COL24A1: variants seen among roughly 807,000 people sequenced by gnomAD.
COL24A1 encodes the protein collagen type XXIV alpha 1 chain, also known as collagen alpha-1(XXIV) chain.
COL24A1 carries 224 observed loss-of-function variants against 253.9 expected under a neutral mutation model. The ratio of observed to expected loss-of-function variants is 0.88; its 90% confidence interval spans 0.79 to 0.99. COL24A1 has a LOEUF of 0.99. Among genes scored for constraint, COL24A1 ranks in the 50% least tolerant of loss-of-function variants. The probability of loss-of-function intolerance (pLI) is 0.00; values close to 1 mark genes in which losing one functional copy is unlikely to be tolerated. For synonymous variants in COL24A1, 685 were observed against 673.7 expected, an observed-to-expected ratio of 1.02 and a Z score of -0.26; for missense variants, 2,131 against 2,068.5, an observed-to-expected ratio of 1.03 and a Z score of -0.59.
chr1:86,028,639 T>C (rs966813574), intron 14 of COL24A1, among the ~76,000 whole-genome samples: 1 of 152,258 alleles, frequency 6.6e-6, no homozygotes, highest in Non-Finnish European at 1.5e-5. Flanking sequence ...AGGTATTTCT[T>C]CATAGCTGTG....
Position 86,003,402 on chromosome 1 carries a change from T to C in COL24A1, c.2310+13749A>G, listed in dbSNP as rs539807790. On this transcript the variant is annotated intron_variant, in intron 19 of 59. Transcript: ENST00000370571. ...GGAACAAGTAAGCTGCATTAATAGG[T>C]AGCCCAAACCCCAATGTCACCTTCA... is the stretch of plus-strand genomic sequence containing the variant. Among the ~76,000 whole-genome samples, 14 of 152,240 alleles carry C rather than the reference T, an allele frequency of 9.2e-5. No homozygotes were observed. In the South Asian group the frequency reaches 2.9e-3, roughly 32 times the overall value.
intron 20 of COL24A1, among the ~76,000 whole-genome samples, chr1:85,978,958 A>C (rs1692973553): frequency 6.6e-6 from 1 of 152,160 alleles, no homozygotes; most frequent in Non-Finnish European, 1.5e-5. Context: ...AGTCTCAATA[A>C]ATTTAAGAAA....
chr1:86,126,316 T>A, intron 2 of COL24A1, 102 bp from the exon 3 acceptor site: 1 of 1,053,676 alleles, frequency 9.5e-7, no homozygotes, highest in Non-Finnish European at 1.3e-6. Flanking sequence ...GTAGCAACAG[T>A]AGTTTCTAAA....
At chr1:85,766,481 T>C (rs1369979480) in intron 53 of COL24A1, among the ~76,000 whole-genome samples, 1 of 150,708 alleles carries the variant, frequency 6.6e-6, no homozygotes, top group Non-Finnish European at 1.5e-5. Context: ...CGGGAGCAAG[T>C]ATAGAACAGA....
chr1:85,799,394 A>C (rs1467920147), intron 47 of COL24A1, among the ~76,000 whole-genome samples: 3 of 151,574 alleles, frequency 2.0e-5, no homozygotes, highest in African/African-American at 7.3e-5. Flanking sequence ...AAAAAAAAAA[A>C]AAAAAAAAAA....
intron 24 of COL24A1, among the ~76,000 whole-genome samples, chr1:85,933,082 T>G (rs1360913269): frequency 1.5e-5 from 1 of 68,136 alleles, no homozygotes; most frequent in Non-Finnish European, 2.9e-5. Flanking sequence ...AAACTTAGAG[T>G]ATAATAAAAA....
intron 32 of COL24A1, among the ~76,000 whole-genome samples, chr1:85,884,398 AT>A (rs757321650): frequency 1.3e-5 from 2 of 151,844 alleles, no homozygotes; most frequent in Non-Finnish European, 2.9e-5. Context: ...CTCTAATGTC[AT>A]TGTTTTTTAC....
At chr1:85,862,454 C>T (rs904940737) in intron 37 of COL24A1, among the ~76,000 whole-genome samples, 1 of 152,102 alleles carries the variant, frequency 6.6e-6, no homozygotes, top group African/African-American at 2.4e-5. Flanking sequence ...AAAAGACATA[C>T]AAGGACCATT....
chr1:85,823,545 T>A lies in COL24A1; in HGVS notation c.3780A>T (p.Arg1260Ser). The change falls in exon 45 of 60, where the codon AGA becomes AGT. Residue 1260 changes from arginine (R) to serine (S), a missense_variant. By Grantham distance (110) the Arg-to-Ser change is moderately radical (BLOSUM62 -1). Transcript: ENST00000370571. ...AATAATTTCAACTTACTTCAGATCC[T>A]CTCTCTCCTTTTAGTCCTTGTTCAC... is the stretch of plus-strand genomic sequence containing the variant. ...DQGEQGLKGERGSEGNKGKKG... is the reference protein window; with the variant it reads ...DQGEQGLKGESGSEGNKGKKG... 6.2e-7 allele frequency: 1 copy of A among 1,613,954 alleles called. No homozygotes were observed. Among genetic ancestry groups the A allele is most frequent in the Non-Finnish European group, 8.5e-7 (1 of 1,179,914 alleles).
chr1:85,850,335 T>A (rs2102333975), intron 37 of COL24A1, among the ~76,000 whole-genome samples: 1 of 152,308 alleles, frequency 6.6e-6, no homozygotes, highest in Admixed American at 6.5e-5. Flanking sequence ...AAAAATGATG[T>A]AGACAAGAAA....
At chr1:86,063,278 C>T (rs1203899312) in intron 8 of COL24A1, among the ~76,000 whole-genome samples, 1 of 151,772 alleles carries the variant, frequency 6.6e-6, no homozygotes, top group Non-Finnish European at 1.5e-5. Flanking sequence ...AGGAAAAGGT[C>T]AGGGAACAAA....
chr1:86,034,029 T>C, intron 12 of COL24A1, 106 bp from the exon 13 acceptor site: 1 of 744,984 alleles, frequency 1.3e-6, no homozygotes, highest in Non-Finnish European at 2.1e-6. Context: ...TCCTAACTCT[T>C]AAACTGTAAT....
intron 47 of COL24A1, among the ~76,000 whole-genome samples, chr1:85,787,382 A>G (rs1474579794): frequency 6.6e-6 from 1 of 151,960 alleles, no homozygotes; most frequent in African/African-American, 2.4e-5. Context: ...ACCTCCACCA[A>G]CAGGCCCCAG....
At chr1:86,115,782 A>G (rs1419063068) in intron 3 of COL24A1, among the ~76,000 whole-genome samples, 1 of 152,216 alleles carries the variant, frequency 6.6e-6, no homozygotes, top group Non-Finnish European at 1.5e-5. Context: ...TTGAAAAATG[A>G]AAACACTGGC....
At chr1:86,014,622 C>CTCTTT (rs10692217) in intron 19 of COL24A1, among the ~76,000 whole-genome samples, 108,570 of 151,364 alleles carry the variant, frequency 0.72, 40,431 homozygotes, top group African/African-American at 0.91. Flanking sequence ...CCTCCTTTTC[C>CTCTTT]TATTTTCTAT....
At chr1:85,877,388 G>A (rs1039325639) in intron 32 of COL24A1, among the ~76,000 whole-genome samples, 3 of 152,232 alleles carry the variant, frequency 2.0e-5, no homozygotes, top group East Asian at 3.9e-4. Flanking sequence ...TTGAGACTGA[G>A]TTTCACTCTG....
chr1:85,965,861 C>T (rs745687234), intron 22 of COL24A1, among the ~76,000 whole-genome samples: 4 of 152,064 alleles, frequency 2.6e-5, no homozygotes, highest in Non-Finnish European at 5.9e-5. Context: ...GAGAGAAGAC[C>T]AGTAAAGTGA....
intron 28 of COL24A1, among the ~76,000 whole-genome samples, chr1:85,897,997 G>T (rs1311854017): frequency 1.3e-5 from 2 of 152,038 alleles, no homozygotes; most frequent in South Asian, 2.1e-4. Context: ...ATGAGGGATA[G>T]TATGTGAAAA....
chr1:85,764,440 G>C (rs1667147441), intron 53 of COL24A1, among the ~76,000 whole-genome samples: 1 of 145,398 alleles, frequency 6.9e-6, no homozygotes. Flanking sequence ...GGCTACTCTT[G>C]ATCTAGGTGG....
Sources: gnomAD v4.1 joint callset for allele counts (sites outside exome capture counted in the v4.1 genomes callset) on GRCh38, gnomAD v4.1.1 for gene constraint, MANE v1.5 for transcripts, NCBI Gene and HGNC (gene_info 2026-07-23, HGNC 2026-07-21) for gene names.